Variants in SLC9A1 observed in about 807,000 individuals in gnomAD.
SLC9A1 encodes the protein sodium/hydrogen exchanger 1.
SLC9A1 carries 22 observed loss-of-function variants against 67.9 expected under a neutral mutation model. The ratio of observed to expected loss-of-function variants is 0.32; its 90% CI spans 0.23 to 0.46. SLC9A1 has a LOEUF of 0.46. Ranked by LOEUF, SLC9A1 falls within the 20% of genes least tolerant of loss-of-function variation. The pLI, the probability that SLC9A1 is intolerant of heterozygous loss-of-function variation, is 1.00. For missense variants in SLC9A1, 686 were observed against 1,094.8 expected (o/e 0.63, Z 5.27); for synonymous variants, 421 against 471.8 (o/e 0.89, Z 1.40).
rs577092208 is a variant in SLC9A1 at position 27,101,018 on chromosome 1, G to A, written c.2110+185C>T. Among the ~76,000 whole-genome samples the A allele has an allele frequency of 9.2e-5, 14 of 152,298 alleles. No homozygotes were observed. Among genetic ancestry groups the A allele is most frequent in the East Asian group, 5.8e-4 (3 of 5,176 alleles). ...CCAGCTCCCCACACAGTCCTCGCCC[G>A]GAACGTCTCTCTCCCTAGGGATGGC... On this transcript the variant is annotated intron_variant, in intron 11 of 11. Coordinates refer to ENST00000263980, the MANE Select transcript of SLC9A1 (RefSeq NM_003047.5). The surrounding 1 kb of genome is among the most constrained non-coding windows in gnomAD (Gnocchi z 4.9).
Position 27,099,988 on chromosome 1 carries a change from G to C in SLC9A1, c.*319C>G, listed in dbSNP as rs767392890. The C allele has an allele frequency of 1.7e-4, 59 of 343,972 alleles. No individual in the cohort carries two copies. The highest frequency in any genetic ancestry group is 2.6e-4 in the Non-Finnish European group (50 of 189,690). 21.3% of individuals were successfully genotyped at this position (343,972 alleles called of 1,614,324 possible). A position where few individuals can be genotyped will look rare whatever the true frequency, so the allele number is the denominator to read the frequency against. ...CTAAGATTGGTCTGAATGAGGAGGA[G>C]GATGAGGCAGAGGGAGGAGCCTCCG... On this transcript the variant is annotated 3_prime_UTR_variant, in exon 12 of 12. Coordinates refer to ENST00000263980, the MANE Select transcript of SLC9A1 (RefSeq NM_003047.5).
intron 1 of SLC9A1, among the ~76,000 whole-genome samples, chr1:27,147,775 A>G (rs2083499264): frequency 1.3e-5 from 2 of 152,346 alleles, no homozygotes; most frequent in East Asian, 1.9e-4. Flanking sequence ...TGGGAGGATC[A>G]GCTAAGGTCA....
At chr1:27,141,909 A>T (rs1227911494) in intron 1 of SLC9A1, among the ~76,000 whole-genome samples, 2 of 152,150 alleles carry the variant, frequency 1.3e-5, no homozygotes, top group Non-Finnish European at 2.9e-5. Flanking sequence ...AAGATGCTAT[A>T]AAAAGCACAG....
chr1:27,116,227 G>A (rs2083271293), intron 1 of SLC9A1, among the ~76,000 whole-genome samples: 1 of 152,130 alleles, frequency 6.6e-6, no homozygotes, highest in South Asian at 2.1e-4. Context: ...AGGCGTGGTG[G>A]TGGGTGCTTG....
At chr1:27,127,480 G>A (rs192209003) in intron 1 of SLC9A1, among the ~76,000 whole-genome samples, 3 of 152,192 alleles carry the variant, frequency 2.0e-5, no homozygotes, top group Non-Finnish European at 4.4e-5. Context: ...GGTAGCAGCG[G>A]AGGCAGGTCC....
rs1258709393 is a variant in SLC9A1, at chr1:27,109,566, T to C, written c.1025A>G (p.Tyr342Cys). ...LFVFLYSYMA[Y>C]LSAELFHLSG... The stretch of plus-strand genomic sequence containing the variant: ...CAGGTGGAAGAGCTCGGCTGACAAG[T>C]AGGCCATGTAGCTGTAGAGGAAGAC... Residue 342 changes from tyrosine to cysteine, a missense_variant, in exon 3 of 12, where the codon TAC becomes TGC. Tyr to Cys is a radical substitution (Grantham distance 194). Transcript: ENST00000263980. This position sits in a 1 kb window ranked among gnomAD's most constrained non-coding sequence, Gnocchi z 5.5. The C allele has an allele frequency of 1.7e-5, 28 of 1,613,326 alleles. No homozygotes were observed. The highest frequency in any genetic ancestry group is 2.2e-5 in the East Asian group (1 of 44,818).
chr1:27,128,252 T>C (rs561190211), intron 1 of SLC9A1, among the ~76,000 whole-genome samples: 67 of 136,818 alleles, frequency 4.9e-4, no homozygotes, highest in African/African-American at 1.7e-3. Flanking sequence ...GGTACTGCCC[T>C]GAACCTCAGT....
intron 3 of SLC9A1, 94 bp from the exon 4 acceptor site, chr1:27,107,959 G>A (rs1192650371): frequency 3.4e-6 from 3 of 894,928 alleles, no homozygotes; most frequent in Non-Finnish European, 5.3e-6. Context: ...CGACCAAGGT[G>A]CCCATGTCCC....
At chr1:27,143,561 G>T (rs1436263417) in intron 1 of SLC9A1, among the ~76,000 whole-genome samples, 3 of 152,314 alleles carry the variant, frequency 2.0e-5, no homozygotes, top group African/African-American at 7.2e-5. Context: ...CCAAAGGATA[G>T]AGCTGTGGAA....
rs2083143965 is a variant in SLC9A1, at chr1:27,101,426, T to G, written c.2038-151A>C. 1 of 657,974 alleles carries G rather than the reference T, an allele frequency of 1.5e-6. No homozygotes were observed. The highest frequency in any genetic ancestry group is 2.7e-6 in the Non-Finnish European group (1 of 372,354). The allele number at this position is 657,974 out of a possible 1,614,324, so 40.8% of individuals were successfully genotyped here. On this transcript the variant is annotated intron_variant, in intron 10 of 11. Coordinates refer to ENST00000263980, the MANE Select transcript of SLC9A1 (RefSeq NM_003047.5). The surrounding 1 kb of genome is among the most constrained non-coding windows in gnomAD (Gnocchi z 4.9). ...CTGTGTGGGCACCCGTACTGGCCCC[T>G]CAGGAGCTCCTAAGGGCTCATCCCA...
intron 1 of SLC9A1, among the ~76,000 whole-genome samples, chr1:27,140,194 C>T (rs1312512431): frequency 6.6e-6 from 1 of 152,088 alleles, no homozygotes; most frequent in African/African-American, 2.4e-5. Context: ...CACAGCTCTG[C>T]AGGCTCCTGC....
intron 1 of SLC9A1, among the ~76,000 whole-genome samples, chr1:27,135,650 G>T (rs1454490268): frequency 1.3e-5 from 2 of 151,712 alleles, no homozygotes; most frequent in Non-Finnish European, 2.9e-5. Flanking sequence ...AAACCCTACG[G>T]AGTACAAGAA....
At chr1:27,142,869 G>A (rs1032747904) in intron 1 of SLC9A1, among the ~76,000 whole-genome samples, 2 of 151,916 alleles carry the variant, frequency 1.3e-5, no homozygotes, top group African/African-American at 4.8e-5. Flanking sequence ...TCCTTGCCTG[G>A]AAGGTATTCT....
At chr1:27,122,219 C>T (rs1437781163) in intron 1 of SLC9A1, among the ~76,000 whole-genome samples, 1 of 152,150 alleles carries the variant, frequency 6.6e-6, no homozygotes, top group East Asian at 1.9e-4. Context: ...GAGTCAGGTG[C>T]CCCTCCAAAC....
At chr1:27,138,143 G>A (rs576935218) in intron 1 of SLC9A1, among the ~76,000 whole-genome samples, 1 of 152,306 alleles carries the variant, frequency 6.6e-6, no homozygotes, top group East Asian at 1.9e-4. Context: ...ACAGCACCAT[G>A]AATCCTAGCC....
At position 27,130,309 on chromosome 1, in the gene SLC9A1, G is replaced by A. The variant is rs181310440; in HGVS notation, c.353-16023C>T. 1.2e-4 allele frequency among the ~76,000 whole-genome samples: 19 copies of A among 152,166 alleles called. No individual in the cohort carries two copies. The East Asian group carries it at 2.3e-3, about 19-fold the overall frequency. ...AGTAGAGACAGGGTTTCACTATGTC[G>A]GCCAGACTGGTCTCGAACGCTTGAC... On this transcript the variant is annotated intron_variant, in intron 1 of 11. Coordinates refer to ENST00000263980, the MANE Select transcript of SLC9A1 (RefSeq NM_003047.5).
intron 1 of SLC9A1, among the ~76,000 whole-genome samples, chr1:27,147,353 G>A (rs1229864530): frequency 1.3e-5 from 2 of 148,266 alleles, no homozygotes; most frequent in East Asian, 1.9e-4. Flanking sequence ...TTAGCTGGGG[G>A]TGGTGGCGCA....
At position 27,154,496 on chromosome 1, in the gene SLC9A1, A is replaced by C; in HGVS notation, c.-162T>G. ...CATGGAAGCAATTTTCTGGGGGTGG[A>C]GGGAGGCTGGGTTTGCAATCTGGAA... On this transcript the variant is annotated 5_prime_UTR_variant, in exon 1 of 12. Coordinates refer to ENST00000263980, the MANE Select transcript of SLC9A1 (RefSeq NM_003047.5). The C allele has an allele frequency of 3.8e-6, 2 of 529,658 alleles. No homozygotes were observed. The highest frequency in any genetic ancestry group is 6.6e-6 in the Non-Finnish European group (2 of 304,472). 32.8% of individuals were successfully genotyped at this position (529,658 alleles called of 1,614,324 possible).
chr1:27,137,841 C>T lies in SLC9A1; in HGVS notation c.352+16142G>A, dbSNP rs1006272665. Among the ~76,000 whole-genome samples the T allele has an allele frequency of 1.1e-4, 17 of 152,232 alleles. No individual in the cohort carries two copies. The highest frequency in any genetic ancestry group is 4.1e-4 in the African/African-American group (17 of 41,446). On this transcript the variant is annotated intron_variant, in intron 1 of 11. Coordinates refer to ENST00000263980, the MANE Select transcript of SLC9A1 (RefSeq NM_003047.5). The surrounding 1 kb of genome is among the most constrained non-coding windows in gnomAD (Gnocchi z 4.6). ...CTGGTGCCCACTCAGCCCCTCCCTC[C>T]CCAATGTGCCCCTGACTCCACGCCC...
Sources: gnomAD v4.1 joint callset for allele counts (sites outside exome capture counted in the v4.1 genomes callset) on GRCh38, gnomAD v4.1.1 for gene constraint, Gnocchi (gnomAD v3.1) non-coding constraint, MANE v1.5 for transcripts, NCBI Gene and HGNC (gene_info 2026-07-23, HGNC 2026-07-21) for gene names.